CSNK2A1: variants seen among roughly 807,000 people sequenced by gnomAD.
The protein encoded by CSNK2A1 is casein kinase 2 alpha 1.
In CSNK2A1, 10 loss-of-function variants were observed where a neutral mutation model predicts 62.9. The ratio of observed to expected loss-of-function variants is 0.16; its 90% CI spans 0.10 to 0.27. CSNK2A1 has a LOEUF of 0.27. Among genes scored for constraint, CSNK2A1 ranks in the 10% least tolerant of loss-of-function variants. The pLI is 1.00. For synonymous variants in CSNK2A1, 124 were observed against 167.8 expected, an observed-to-expected ratio of 0.74 and a Z score of 2.02; for missense variants, 160 against 492.0, an observed-to-expected ratio of 0.33 and a Z score of 6.38.
chr20:503,616 A>G, intron 4 of CSNK2A1: 2 of 398,546 alleles, frequency 5.0e-6, no homozygotes, highest in Non-Finnish European at 8.8e-6. Context: ...ACTCCTCGTG[A>G]TGGATTGTGT....
At chr20:522,551 G>T (rs2018973339) in intron 2 of CSNK2A1, among the ~76,000 whole-genome samples, 1 of 152,184 alleles carries the variant, frequency 6.6e-6, no homozygotes, top group African/African-American at 2.4e-5. Flanking sequence ...ACAGACTGGA[G>T]GATACTAAGG....
chr20:532,047 G>A lies in CSNK2A1; in HGVS notation c.-226-3998C>T, dbSNP rs571308888. On this transcript the variant is annotated intron_variant, in intron 1 of 13. Coordinates refer to ENST00000217244, the MANE Select transcript of CSNK2A1 (RefSeq NM_177559.3). ...TGGGTCAGAGAGGTACCTTAAAATG[G>A]CTTTAAAAACTTAAAACCAAGATTA... Among the ~76,000 whole-genome samples the A allele has an allele frequency of 1.1e-4, 16 of 152,278 alleles. 1 individual carries two copies. In the South Asian group the frequency reaches 3.1e-3, roughly 30 times the overall value.
Position 499,130 on chromosome 20 carries a change from T to G in CSNK2A1, c.366+125A>C. ...TATAGGAGTTCTTCTATCTTAAAAT[T>G]TGCACTGTAAGGATGAAAAGCTTTT... On this transcript the variant is annotated intron_variant, in intron 6 of 13. Transcript: ENST00000217244. This position sits in a 1 kb window ranked among gnomAD's most constrained non-coding sequence, Gnocchi z 4.2. 1 of 706,868 alleles carries G rather than the reference T, an allele frequency of 1.4e-6. No individual in the cohort carries two copies. Among genetic ancestry groups the G allele is most frequent in the Middle Eastern group, 2.9e-4 (1 of 3,496 alleles). 43.8% of individuals were successfully genotyped at this position (706,868 alleles called of 1,614,324 possible). A position where few individuals can be genotyped will look rare whatever the true frequency, so the allele number is the denominator to read the frequency against.
intron 1 of CSNK2A1, among the ~76,000 whole-genome samples, chr20:543,447 A>C (rs569147847): frequency 2.0e-5 from 3 of 149,450 alleles, no homozygotes; most frequent in African/African-American, 2.5e-5. Context: ...CCACCCTCAC[A>C]TCGGCCTCTG....
In CSNK2A1 at chr20:506,230, T is replaced by C. The variant is rs1013545312; in HGVS notation, c.102-1001A>G. 4.6e-5 allele frequency: 7 copies of C among 152,236 alleles called. No individual in the cohort carries two copies. In the East Asian group the frequency reaches 1.2e-3, roughly 25 times the overall value. 9.4% of individuals were successfully genotyped at this position (152,236 alleles called of 1,614,324 possible). On this transcript the variant is annotated intron_variant, in intron 3 of 13. Coordinates refer to ENST00000217244, the MANE Select transcript of CSNK2A1 (RefSeq NM_177559.3). The stretch of plus-strand genomic sequence containing the variant: ...TTAGTGCTTGGTCCAGTGTTGGCAC[T>C]TAGCAGGAACTAAAAACATTTTGCA...
intron 2 of CSNK2A1, among the ~76,000 whole-genome samples, chr20:509,133 A>AGAAT (rs951815808): frequency 1.4e-4 from 21 of 152,232 alleles, no homozygotes; most frequent in African/African-American, 4.8e-4. Flanking sequence ...AACCAGGAAG[A>AGAAT]GAATAAAGGC....
intron 6 of CSNK2A1, 58 bp from the exon 7 acceptor site, chr20:497,838 C>A: frequency 6.7e-7 from 1 of 1,497,414 alleles, no homozygotes; most frequent in South Asian, 1.1e-5. Flanking sequence ...CATTTTTCAC[C>A]CTCACTCACA....
chr20:510,911 G>GGGGT (rs1184115368), intron 2 of CSNK2A1, among the ~76,000 whole-genome samples: 1 of 150,922 alleles, frequency 6.6e-6, no homozygotes, highest in East Asian at 2.0e-4. Flanking sequence ...TTGTAAAGAT[G>GGGGT]GGGTTTCCCT....
intron 2 of CSNK2A1, among the ~76,000 whole-genome samples, chr20:519,357 T>C (rs946233834): frequency 6.6e-6 from 1 of 152,180 alleles, no homozygotes; most frequent in African/African-American, 2.4e-5. Context: ...AAGCAAACAA[T>C]TTCCAAACAA....
Position 517,868 on chromosome 20 carries a change from T to C in CSNK2A1, c.-109-9208A>G, listed in dbSNP as rs1052395473. ...ACATCAGGTCAGCAACCTTTTTATA[T>C]CTGATTTGGAGACTATTAGTTTACT... On this transcript the variant is annotated intron_variant, in intron 2 of 13. Transcript: ENST00000217244. 2.2e-4 allele frequency among the ~76,000 whole-genome samples: 34 copies of C among 152,208 alleles called. 1 individual carries two copies. The highest frequency in any genetic ancestry group is 1.3e-3 in the Admixed American group (20 of 15,278).
At chr20:529,800 G>A (rs1017285539) in intron 1 of CSNK2A1, among the ~76,000 whole-genome samples, 2 of 152,110 alleles carry the variant, frequency 1.3e-5, no homozygotes, top group Admixed American at 6.5e-5. Flanking sequence ...AATGGAAAAG[G>A]CATTAAATTT....
Position 534,794 on chromosome 20 carries a change from C to T in CSNK2A1, c.-226-6745G>A, listed in dbSNP as rs192453596. ...CTGCAATCCCAGCACTTTGGGAGGC[C>T]GAGATGGGTGGATTGCCTGAGCTCA... On this transcript the variant is annotated intron_variant, in intron 1 of 13. Coordinates refer to ENST00000217244, the MANE Select transcript of CSNK2A1 (RefSeq NM_177559.3). Among the ~76,000 whole-genome samples the T allele has an allele frequency of 9.0e-3, 1,353 of 150,132 alleles. 9 individuals carry two copies. Among genetic ancestry groups the T allele is most frequent in the Non-Finnish European group, 0.015 (1,013 of 67,514 alleles).
chr20:503,460 T>C (rs1568523675), intron 4 of CSNK2A1: 1 of 398,648 alleles, frequency 2.5e-6, no homozygotes, highest in Non-Finnish European at 4.4e-6. Context: ...TCAAAGGGCA[T>C]GTGAAGCACC....
chr20:472,729 G>T lies in CSNK2A1; in HGVS notation c.*11232C>A, dbSNP rs1020860424. 2 of 152,210 alleles carry T rather than the reference G, an allele frequency of 1.3e-5. No homozygotes were observed. Among genetic ancestry groups the T allele is most frequent in the Admixed American group, 1.3e-4 (2 of 15,284 alleles). The allele number at this position is 152,210 out of a possible 1,614,324, so 9.4% of individuals were successfully genotyped here. A position where few individuals can be genotyped will look rare whatever the true frequency, so the allele number is the denominator to read the frequency against. The stretch of plus-strand genomic sequence containing the variant: ...CACAGGAATAAACAAATTTATCTAG[G>T]TAAGTTCCTATACAACTCCCCTGTT... On this transcript the variant is annotated 3_prime_UTR_variant, in exon 14 of 14. Coordinates refer to ENST00000217244, the MANE Select transcript of CSNK2A1 (RefSeq NM_177559.3).
At chr20:495,439 G>T (rs564701571) in intron 8 of CSNK2A1, 6 of 354,654 alleles carry the variant, frequency 1.7e-5, no homozygotes, top group Non-Finnish European at 3.2e-5. Context: ...AGTTTCTCAG[G>T]AAACCAGTTA....
rs1452420357 is a variant in CSNK2A1 at position 481,022 on chromosome 20, G to T, written c.*2939C>A. ...AGCTGGACAGGCATTTCAAGTACAA[G>T]AAACAGAATTCAAAACGTGAAAACG... On this transcript the variant is annotated 3_prime_UTR_variant, in exon 14 of 14. Transcript: ENST00000217244. The T allele has an allele frequency of 6.6e-6, 1 of 152,142 alleles. No homozygotes were observed. Among genetic ancestry groups the T allele is most frequent in the East Asian group, 1.9e-4 (1 of 5,196 alleles). The allele number at this position is 152,142 out of a possible 1,614,324, so 9.4% of individuals were successfully genotyped here. A position where few individuals can be genotyped will look rare whatever the true frequency, so the allele number is the denominator to read the frequency against.
rs1377391956 is a variant in CSNK2A1 at position 476,634 on chromosome 20, G to A, written c.*7327C>T. On this transcript the variant is annotated 3_prime_UTR_variant, in exon 14 of 14. Coordinates refer to ENST00000217244, the MANE Select transcript of CSNK2A1 (RefSeq NM_177559.3). ...GTTGCACAGGCTGGAGTGCAGTGGT[G>A]AAATCATGGCTCACTGCAGCCTCAA... 6.6e-6 allele frequency: 1 copy of A among 151,340 alleles called. No homozygotes were observed. The highest frequency in any genetic ancestry group is 1.5e-5 in the Non-Finnish European group (1 of 67,958). 9.4% of individuals were successfully genotyped at this position (151,340 alleles called of 1,614,324 possible).
intron 13 of CSNK2A1, among the ~76,000 whole-genome samples, chr20:485,969 G>C (rs1419949097): frequency 3.3e-5 from 5 of 152,172 alleles, no homozygotes; most frequent in Non-Finnish European, 7.3e-5. Context: ...CTCTATAGTT[G>C]CTCTGGCACA....
intron 2 of CSNK2A1, among the ~76,000 whole-genome samples, chr20:512,658 G>A (rs2018748056): frequency 6.6e-6 from 1 of 152,134 alleles, no homozygotes; most frequent in Admixed American, 6.5e-5. Context: ...AGATTCACAT[G>A]CTGACTTATG....
Sources: allele counts gnomAD v4.1 joint callset (sites outside exome capture counted in the v4.1 genomes callset), GRCh38; gene constraint gnomAD v4.1.1; non-coding constraint Gnocchi (gnomAD v3.1); transcripts MANE v1.5; gene names NCBI Gene and HGNC (gene_info 2026-07-23, HGNC 2026-07-21).